PDE3B: variants seen among roughly 807,000 people sequenced by gnomAD.
PDE3B encodes the protein phosphodiesterase 3B.
PDE3B carries 66 observed loss-of-function variants against 116.8 expected under a neutral mutation model. The ratio of observed to expected loss-of-function variants is 0.56; its 90% confidence interval spans 0.46 to 0.69. The LOEUF is 0.69. Among genes scored for constraint, PDE3B ranks in the 30% least tolerant of loss-of-function variants. The pLI is 0.00. For missense variants in PDE3B, 1,384 were observed against 1,368.1 expected, an observed-to-expected ratio of 1.01 and a Z score of -0.18; for synonymous variants, 595 against 533.6, an observed-to-expected ratio of 1.12 and a Z score of -1.59.
intron 12 of PDE3B, among the ~76,000 whole-genome samples, chr11:14,844,717 C>T (rs763488615): frequency 3.3e-5 from 5 of 152,212 alleles, no homozygotes; most frequent in African/African-American, 9.6e-5. Flanking sequence ...CCTATGGCCA[C>T]GGAGTCTCGC....
intron 1 of PDE3B, among the ~76,000 whole-genome samples, chr11:14,758,176 T>G (rs1198333248): frequency 6.6e-6 from 1 of 152,202 alleles, no homozygotes; most frequent in Non-Finnish European, 1.5e-5. Context: ...TCTGATTTGG[T>G]ACCAGTACCA....
chr11:14,822,930 G>GT (rs1859567454), intron 7 of PDE3B, among the ~76,000 whole-genome samples: 1 of 152,118 alleles, frequency 6.6e-6, no homozygotes, highest in Middle Eastern at 3.2e-3. Flanking sequence ...CATCTTTGCT[G>GT]TTTTGCAGCC....
downstream of PDE3B, among the ~76,000 whole-genome samples, chr11:14,874,907 A>G (rs536779540): frequency 1.3e-5 from 2 of 152,152 alleles, no homozygotes; most frequent in Non-Finnish European, 2.9e-5. Context: ...GTTCACTGAA[A>G]CTTGTCCTCA....
intron 1 of PDE3B, among the ~76,000 whole-genome samples, chr11:14,659,472 T>C (rs1853822484): frequency 6.6e-6 from 1 of 152,234 alleles, no homozygotes; most frequent in South Asian, 2.1e-4. Context: ...AAAATACTGG[T>C]CATAATTATT....
chr11:14,853,608 A>G (rs11821089), intron 12 of PDE3B, among the ~76,000 whole-genome samples: 3,180 of 152,316 alleles, frequency 0.021, 114 homozygotes, highest in African/African-American at 0.073. Flanking sequence ...TCAGGCCATA[A>G]TTAATGAAAG....
At chr11:14,805,959 T>G (rs1180660872) in intron 5 of PDE3B, among the ~76,000 whole-genome samples, 1 of 152,164 alleles carries the variant, frequency 6.6e-6, no homozygotes, top group East Asian at 1.9e-4. Flanking sequence ...CTCACGCCAG[T>G]TAGAATGGCG....
chr11:14,898,747 C>A, the PDE3B span, among the ~76,000 whole-genome samples: 1 of 151,904 alleles, frequency 6.6e-6, no homozygotes, highest in Non-Finnish European at 1.5e-5. Flanking sequence ...AAGGCTGTCT[C>A]AACTGTGTGA....
chr11:14,833,082 G>T (rs1161941284), intron 10 of PDE3B, among the ~76,000 whole-genome samples: 1 of 151,856 alleles, frequency 6.6e-6, no homozygotes, highest in Admixed American at 6.6e-5. Flanking sequence ...CTCGCAGGTA[G>T]CTGGGATTAC....
chr11:14,779,781 T>A (rs1322812432), intron 2 of PDE3B, among the ~76,000 whole-genome samples: 2 of 152,150 alleles, frequency 1.3e-5, no homozygotes, highest in Admixed American at 1.3e-4. Flanking sequence ...AATAACCAGC[T>A]AACATCATAA....
At position 14,643,856 on chromosome 11, in the gene PDE3B, A is replaced by C; in HGVS notation, c.-220A>C. 1 of 570,946 alleles carries C rather than the reference A, an allele frequency of 1.8e-6. No homozygotes were observed. The highest frequency in any genetic ancestry group is 4.2e-5 in the Admixed American group (1 of 23,688). The allele number at this position is 570,946 out of a possible 1,614,324, so 35.4% of individuals were successfully genotyped here. Reference sequence around the variant, plus strand: ...GAGGCGGCAGCTAAACTGGTCCTGGAGAGAAGCCCCTTCCGCCCCTCTCCT... The same window carrying C: ...GAGGCGGCAGCTAAACTGGTCCTGGCGAGAAGCCCCTTCCGCCCCTCTCCT... On this transcript the variant is annotated 5_prime_UTR_variant, in exon 1 of 16. Transcript: ENST00000282096.
chr11:14,861,167 C>T, intron 13 of PDE3B, 38 bp from the exon 14 acceptor site: 1 of 1,510,198 alleles, frequency 6.6e-7, no homozygotes. Flanking sequence ...TTTAAAAATG[C>T]CTTCAGAACC....
intron 1 of PDE3B, among the ~76,000 whole-genome samples, chr11:14,656,941 G>A (rs1039970555): frequency 6.6e-6 from 1 of 152,048 alleles, no homozygotes; most frequent in Admixed American, 6.5e-5. Flanking sequence ...CTTTCCATAA[G>A]GGATTATATA....
chr11:14,742,224 ACAAAT>A (rs2133866535), intron 1 of PDE3B, among the ~76,000 whole-genome samples: 1 of 152,314 alleles, frequency 6.6e-6, no homozygotes, highest in East Asian at 1.9e-4. Context: ...TTTCAGGTGC[ACAAAT>A]CAAACGCAAT....
At chr11:14,872,967 C>A (rs1417315113), downstream of PDE3B, among the ~76,000 whole-genome samples, 3 of 152,170 alleles carry the variant, frequency 2.0e-5, no homozygotes, top group Non-Finnish European at 2.9e-5. Context: ...TTGTTTTGGA[C>A]TGAGTTCCTG....
intron 1 of PDE3B, among the ~76,000 whole-genome samples, chr11:14,678,046 A>G (rs184036001): frequency 1.4e-4 from 21 of 152,238 alleles, no homozygotes; most frequent in Middle Eastern, 6.8e-3. Flanking sequence ...CTCATGCCAC[A>G]GCCTCCGGAG....
intron 1 of PDE3B, among the ~76,000 whole-genome samples, chr11:14,768,900 A>G (rs1857564371): frequency 6.6e-6 from 1 of 151,608 alleles, no homozygotes; most frequent in Non-Finnish European, 1.5e-5. Context: ...TTCCTGGGTC[A>G]TTCATCTTCT....
At chr11:14,885,503 T>C in the PDE3B span, among the ~76,000 whole-genome samples, 1 of 152,194 alleles carries the variant, frequency 6.6e-6, no homozygotes, top group African/African-American at 2.4e-5. Context: ...TCCTAACTTG[T>C]TTCACAAAAC....
At chr11:14,729,669 A>G (rs1264853402) in intron 1 of PDE3B, among the ~76,000 whole-genome samples, 1 of 152,248 alleles carries the variant, frequency 6.6e-6, no homozygotes, top group African/African-American at 2.4e-5. Flanking sequence ...GAAGTTGATT[A>G]ATCTAACTTT....
intron 2 of PDE3B, among the ~76,000 whole-genome samples, chr11:14,778,689 G>T (rs539515874): frequency 5.3e-5 from 8 of 152,154 alleles, no homozygotes; most frequent in Non-Finnish European, 1.0e-4. Flanking sequence ...AAGACCAAAG[G>T]TAGATAAAAC....
Sources: allele counts gnomAD v4.1 joint callset (sites outside exome capture counted in the v4.1 genomes callset), GRCh38; gene constraint gnomAD v4.1.1; transcripts MANE v1.5; gene names NCBI Gene and HGNC (gene_info 2026-07-23, HGNC 2026-07-21).